Variants in ADGRL3 observed in about 807,000 individuals in gnomAD.
ADGRL3 encodes adhesion G protein-coupled receptor L3.
ADGRL3 carries 62 observed loss-of-function variants against 153.5 expected under a neutral mutation model. The observed-to-expected ratio is 0.40, with a 90% CI of 0.33 to 0.50. ADGRL3 has a LOEUF of 0.50. Among genes scored for constraint, ADGRL3 ranks in the 20% least tolerant of loss-of-function variants. The pLI, the probability that ADGRL3 is intolerant of heterozygous loss-of-function variation, is 0.47. For synonymous variants in ADGRL3, 710 were observed against 672.5 expected, an observed-to-expected ratio of 1.06 and a Z score of -0.86; for missense variants, 1,641 against 1,859.4, an observed-to-expected ratio of 0.88 and a Z score of 2.16.
chr4:61,550,357 A>G (rs933383201), intron 4 of ADGRL3, among the ~76,000 whole-genome samples: 1 of 152,066 alleles, frequency 6.6e-6, no homozygotes, highest in African/African-American at 2.4e-5. Context: ...GTTAATAATT[A>G]CAAAGTTGGT....
chr4:61,594,727 C>T (rs2098982171), intron 5 of ADGRL3, among the ~76,000 whole-genome samples: 1 of 152,132 alleles, frequency 6.6e-6, no homozygotes, highest in Admixed American at 6.6e-5. Flanking sequence ...CAGCATGGTA[C>T]TGGGACTTGC....
At chr4:61,976,866 T>C (rs2099049954) in intron 17 of ADGRL3, among the ~76,000 whole-genome samples, 1 of 152,208 alleles carries the variant, frequency 6.6e-6, no homozygotes, top group South Asian at 2.1e-4. Flanking sequence ...AATGGACTAA[T>C]GCACCATTGT....
chr4:61,202,593 G>T lies in ADGRL3; in HGVS notation c.-240+828G>T, dbSNP rs369828996. 9.2e-5 allele frequency among the ~76,000 whole-genome samples: 14 copies of T among 152,286 alleles called. No individual in the cohort carries two copies. Among genetic ancestry groups the T allele is most frequent in the African/African-American group, 2.4e-4 (10 of 41,574 alleles). On this transcript the variant is annotated intron_variant, in intron 1 of 26. Transcript: ENST00000683033. The surrounding 1 kb of genome is among the most constrained non-coding windows in gnomAD (Gnocchi z 5.0). ...GAGCATTGGTGGTCGCGGTTGGCGGGTTACAGGTAGGAGAGAAGGCACCTC... is the reference window on the plus strand; with the variant it reads ...GAGCATTGGTGGTCGCGGTTGGCGGTTTACAGGTAGGAGAGAAGGCACCTC...
intron 8 of ADGRL3, among the ~76,000 whole-genome samples, chr4:61,766,131 A>T (rs2096975859): frequency 6.6e-6 from 1 of 152,050 alleles, no homozygotes; most frequent in African/African-American, 2.4e-5. Context: ...AGAGAGATAC[A>T]GTCATGGGGG....
At chr4:61,261,651 A>G (rs1380986115) in intron 1 of ADGRL3, among the ~76,000 whole-genome samples, 5 of 152,172 alleles carry the variant, frequency 3.3e-5, no homozygotes, top group African/African-American at 7.2e-5. Context: ...GAGCTGGTTT[A>G]TAGGCATAGT....
chr4:61,566,366 T>G (rs954662018), intron 4 of ADGRL3, among the ~76,000 whole-genome samples: 5 of 152,190 alleles, frequency 3.3e-5, no homozygotes, highest in Admixed American at 6.5e-5. Flanking sequence ...TAATCACTTC[T>G]GTAAAGACCC....
chr4:61,757,230 G>A (rs2096845722), intron 8 of ADGRL3, among the ~76,000 whole-genome samples: 1 of 152,124 alleles, frequency 6.6e-6, no homozygotes. Context: ...GTAGAATTCG[G>A]CTGTGAATCC....
At chr4:61,737,647 A>G (rs920805968) in intron 8 of ADGRL3, among the ~76,000 whole-genome samples, 1 of 152,210 alleles carries the variant, frequency 6.6e-6, no homozygotes, top group African/African-American at 2.4e-5. Context: ...TACAGTAACA[A>G]CCTAATAGAT....
At chr4:61,537,538 T>C (rs1023048885) in intron 4 of ADGRL3, among the ~76,000 whole-genome samples, 3 of 152,164 alleles carry the variant, frequency 2.0e-5, no homozygotes, top group African/African-American at 7.2e-5. Flanking sequence ...CTTTAAATAA[T>C]TTTATATTTC....
At chr4:61,821,286 A>G (rs1040400658) in intron 9 of ADGRL3, among the ~76,000 whole-genome samples, 7 of 151,714 alleles carry the variant, frequency 4.6e-5, no homozygotes, top group African/African-American at 1.5e-4. Flanking sequence ...TAAAAAATTG[A>G]CAATTATTGA....
intron 4 of ADGRL3, among the ~76,000 whole-genome samples, chr4:61,566,219 A>C (rs142343273): frequency 6.6e-6 from 1 of 152,148 alleles, no homozygotes; most frequent in African/African-American, 2.4e-5. Context: ...TATGAAGACA[A>C]GATTTGTTTC....
chr4:61,409,311 AATATATATTAGAC>A (rs900780336), intron 2 of ADGRL3, among the ~76,000 whole-genome samples: 9 of 140,394 alleles, frequency 6.4e-5, no homozygotes, highest in East Asian at 2.1e-4. Context: ...CATTATATAT[AATATATATTAGAC>A]ATATATATTA....
intron 9 of ADGRL3, among the ~76,000 whole-genome samples, chr4:61,886,188 C>T (rs796218537): frequency 5.3e-5 from 8 of 152,062 alleles, no homozygotes; most frequent in South Asian, 4.2e-4. Context: ...ATTTCATGAC[C>T]GATAATATGA....
At chr4:61,723,016 T>C (rs2096266913) in intron 6 of ADGRL3, among the ~76,000 whole-genome samples, 1 of 152,166 alleles carries the variant, frequency 6.6e-6, no homozygotes, top group Admixed American at 6.5e-5. Flanking sequence ...CAAAAATACA[T>C]GTCTTAGGAA....
At chr4:61,396,948 A>ATATTATTATTATTATTAT (rs72231913) in intron 2 of ADGRL3, among the ~76,000 whole-genome samples, 34 of 148,450 alleles carry the variant, frequency 2.3e-4, no homozygotes, top group African/African-American at 8.4e-4. Flanking sequence ...AGTAAGGAAT[A>ATATTATTATTATTATTAT]TATTATTATT....
chr4:62,017,219 C>T (rs543139200), intron 21 of ADGRL3, among the ~76,000 whole-genome samples: 28 of 151,982 alleles, frequency 1.8e-4, no homozygotes, highest in Non-Finnish European at 2.6e-4. Flanking sequence ...CGCAATTGAG[C>T]AGGTCCCAGG....
intron 13 of ADGRL3, among the ~76,000 whole-genome samples, 178 bp from the exon 14 acceptor site, chr4:61,934,662 T>C (rs2098830907): frequency 6.6e-6 from 1 of 152,068 alleles, no homozygotes; most frequent in African/African-American, 2.4e-5. Context: ...TCAGCTAGGG[T>C]TTTACAGAAC....
At chr4:61,260,654 C>G (rs144898612) in intron 1 of ADGRL3, among the ~76,000 whole-genome samples, 17 of 152,092 alleles carry the variant, frequency 1.1e-4, no homozygotes, top group Non-Finnish European at 1.9e-4. Flanking sequence ...GAAATTTGAC[C>G]GTCACTTGAA....
intron 4 of ADGRL3, among the ~76,000 whole-genome samples, chr4:61,545,958 A>G (rs7656189): frequency 0.47 from 71,041 of 152,090 alleles, 18,923 homozygotes; most frequent in East Asian, 0.76. Context: ...GGGTCCTCTT[A>G]GTTTAATCTA....
Sources: allele counts gnomAD v4.1 joint callset (sites outside exome capture counted in the v4.1 genomes callset), GRCh38; gene constraint gnomAD v4.1.1; non-coding constraint Gnocchi (gnomAD v3.1); transcripts MANE v1.5; gene names NCBI Gene and HGNC (gene_info 2026-07-23, HGNC 2026-07-21).